BMPR1A: variants seen among roughly 807,000 people sequenced by gnomAD.
BMPR1A encodes the protein bone morphogenetic protein receptor type-1A.
In BMPR1A, 7 loss-of-function variants were observed where a neutral mutation model predicts 66.0. That is an observed-to-expected ratio of 0.11 (90% CI 0.06 to 0.20). The LOEUF (loss-of-function observed/expected upper bound fraction) is 0.20. Ranked by LOEUF, BMPR1A falls within the 10% of genes least tolerant of loss-of-function variation. The probability of loss-of-function intolerance (pLI) is 1.00; values close to 1 mark genes in which losing one functional copy is unlikely to be tolerated. For missense variants in BMPR1A, 408 were observed against 669.1 expected (o/e 0.61, Z 4.31); for synonymous variants, 200 against 229.7 (o/e 0.87, Z 1.17).
chr10:86,778,927 C>CTT lies in BMPR1A; in HGVS notation c.-268+22026_-268+22027dup, dbSNP rs34496927. ...TGAGTGGATTTTATTTATGTATTTTCTTTTTTTTTTTTTTTTTTTAAGTAG... is the reference window on the plus strand; with the variant it reads ...TGAGTGGATTTTATTTATGTATTTTCTTTTTTTTTTTTTTTTTTTTTAAGTAG... On this transcript the variant is annotated intron_variant, in intron 1 of 12. Coordinates refer to ENST00000372037, the MANE Select transcript of BMPR1A (RefSeq NM_004329.3). Among the ~76,000 whole-genome samples the CTT allele has an allele frequency of 3.2e-3, 378 of 118,470 alleles. 1 individual carries two copies. The highest frequency in any genetic ancestry group is 0.011 in the African/African-American group (341 of 32,102). 77.7% of individuals were successfully genotyped at this position (118,470 alleles called of 152,430 possible).
intron 1 of BMPR1A, among the ~76,000 whole-genome samples, chr10:86,765,168 T>C (rs1037768626): frequency 5.9e-5 from 9 of 152,098 alleles, no homozygotes; most frequent in African/African-American, 1.7e-4. Context: ...CCTGGTTCTT[T>C]GCCCATCAGA....
At chr10:86,896,801 T>C (rs912607454) in intron 5 of BMPR1A, among the ~76,000 whole-genome samples, 1 of 152,226 alleles carries the variant, frequency 6.6e-6, no homozygotes, top group Non-Finnish European at 1.5e-5. Flanking sequence ...TTTTTAAGTG[T>C]CACCTGAAAA....
intron 1 of BMPR1A, among the ~76,000 whole-genome samples, chr10:86,823,986 C>T (rs1842156654): frequency 6.6e-6 from 1 of 151,594 alleles, no homozygotes. Context: ...TATGTCTTGG[C>T]TCCTCATGTT....
At position 86,924,723 on chromosome 10, in the gene BMPR1A, T is replaced by C. The variant is rs1378161955; in HGVS notation, c.*1004T>C. ...AGTTATTTATATTTTGTGTATAATG[T>C]GCTTTATTTGCAAATCACCCACTCC... On this transcript the variant is annotated 3_prime_UTR_variant, in exon 13 of 13. Coordinates refer to ENST00000372037, the MANE Select transcript of BMPR1A (RefSeq NM_004329.3). 2 of 232,904 alleles carry C rather than the reference T, an allele frequency of 8.6e-6. No homozygotes were observed. The highest frequency in any genetic ancestry group is 4.4e-5 in the African/African-American group (2 of 45,354). 14.4% of individuals were successfully genotyped at this position (232,904 alleles called of 1,614,324 possible).
At position 86,919,469 on chromosome 10, in the gene BMPR1A, G is replaced by T. The variant is rs879254049; in HGVS notation, c.1166G>T (p.Ser389Ile). Residue 389 changes from serine to isoleucine, a missense_variant and splice_region_variant, in exon 10 of 13, where the codon AGT (serine) becomes ATT (isoleucine). Transcript: ENST00000372037. ...CTGGGCCTTGCTGTTAAATTCAACA[G>T]GTGAGTGGTTCTTTGCCCCACTGTT... ...ADLGLAVKFNSDTNEVDVPLN... is the reference protein window; with the variant it reads ...ADLGLAVKFNIDTNEVDVPLN... 7 of 1,613,412 alleles carry T rather than the reference G, an allele frequency of 4.3e-6. No individual in the cohort carries two copies. Among genetic ancestry groups the T allele is most frequent in the Non-Finnish European group, 5.9e-6 (7 of 1,179,822 alleles).
chr10:86,903,681 C>G (rs563245997), intron 7 of BMPR1A, among the ~76,000 whole-genome samples: 2 of 147,192 alleles, frequency 1.4e-5, no homozygotes, highest in Non-Finnish European at 3.0e-5. Context: ...GCACGATCTC[C>G]GCTCAATGCA....
Position 86,924,085 on chromosome 10 carries a change from A to G in BMPR1A, c.*366A>G. Reference sequence around the variant, plus strand: ...TTCTGTGAAAGCCTTAAGAAGATAAATGAGCGCAGCAGAGATGGAGAAATA... The same window carrying G: ...TTCTGTGAAAGCCTTAAGAAGATAAGTGAGCGCAGCAGAGATGGAGAAATA... On this transcript the variant is annotated 3_prime_UTR_variant, in exon 13 of 13. Coordinates refer to ENST00000372037, the MANE Select transcript of BMPR1A (RefSeq NM_004329.3). The G allele has an allele frequency of 2.5e-6, 1 of 399,612 alleles. No individual in the cohort carries two copies. Among genetic ancestry groups the G allele is most frequent in the Non-Finnish European group, 4.7e-6 (1 of 214,822 alleles). 24.8% of individuals were successfully genotyped at this position (399,612 alleles called of 1,614,324 possible).
At chr10:86,771,238 CAAA>C (rs1296133912) in intron 1 of BMPR1A, among the ~76,000 whole-genome samples, 4 of 152,086 alleles carry the variant, frequency 2.6e-5, no homozygotes, top group African/African-American at 9.7e-5. Context: ...AAAAAGCACT[CAAA>C]AAGAAACACT....
chr10:86,826,151 T>C (rs1176116571), intron 1 of BMPR1A, among the ~76,000 whole-genome samples: 1 of 152,144 alleles, frequency 6.6e-6, no homozygotes. Flanking sequence ...CATCTTGACA[T>C]TTAACTTCTA....
intron 1 of BMPR1A, among the ~76,000 whole-genome samples, chr10:86,792,143 CT>C (rs1436896392): frequency 7.1e-6 from 1 of 141,614 alleles, no homozygotes; most frequent in Non-Finnish European, 1.5e-5. Flanking sequence ...TCTCTGCTCA[CT>C]GCAACCTCCA....
chr10:86,832,479 A>AG (rs1412311997), intron 1 of BMPR1A, among the ~76,000 whole-genome samples: 2 of 152,086 alleles, frequency 1.3e-5, no homozygotes, highest in East Asian at 1.9e-4. Flanking sequence ...AAAAAAAAAA[A>AG]AAAGAAATCA....
chr10:86,889,870 C>A (rs1843122371), intron 3 of BMPR1A, 192 bp from the exon 4 acceptor site: 1 of 648,114 alleles, frequency 1.5e-6, no homozygotes, highest in Admixed American at 2.8e-5. Context: ...CCCCGCAATA[C>A]CTGGTGCAGT....
chr10:86,899,446 C>T (rs573276316), intron 5 of BMPR1A, among the ~76,000 whole-genome samples: 3 of 152,336 alleles, frequency 2.0e-5, no homozygotes, highest in South Asian at 2.1e-4. Flanking sequence ...CTTTGGACTA[C>T]GACACCCTCC....
At chr10:86,886,984 C>T (rs2133379289) in intron 3 of BMPR1A, among the ~76,000 whole-genome samples, 1 of 152,116 alleles carries the variant, frequency 6.6e-6, no homozygotes, top group Admixed American at 6.5e-5. Context: ...CGCCTTGCCA[C>T]CACGCCCAGC....
intron 1 of BMPR1A, among the ~76,000 whole-genome samples, chr10:86,762,709 A>G (rs1163775054): frequency 6.6e-6 from 1 of 152,054 alleles, no homozygotes; most frequent in African/African-American, 2.4e-5. Flanking sequence ...TAGACATTAA[A>G]TAATTATCTA....
At chr10:86,791,993 A>G (rs941726629) in intron 1 of BMPR1A, among the ~76,000 whole-genome samples, 3 of 146,528 alleles carry the variant, frequency 2.0e-5, no homozygotes, top group African/African-American at 5.0e-5. Context: ...TGCTGGGATT[A>G]TAGGCGTGAG....
At chr10:86,905,759 A>T (rs1407477671) in intron 7 of BMPR1A, among the ~76,000 whole-genome samples, 1 of 151,854 alleles carries the variant, frequency 6.6e-6, no homozygotes, top group Admixed American at 6.6e-5. Flanking sequence ...CTGGTCCTAG[A>T]GTAGTTAAAT....
intron 1 of BMPR1A, among the ~76,000 whole-genome samples, chr10:86,763,855 A>C (rs969516629): frequency 1.1e-4 from 16 of 141,466 alleles, no homozygotes; most frequent in Non-Finnish European, 1.9e-4. Flanking sequence ...GCAGTGGCGC[A>C]TGTTGGCTCA....
chr10:86,779,840 G>A (rs115985691), intron 1 of BMPR1A, among the ~76,000 whole-genome samples: 2 of 152,140 alleles, frequency 1.3e-5, no homozygotes, highest in Non-Finnish European at 2.9e-5. Context: ...GGCCTTCAGC[G>A]ATCTTTCAGC....
Sources: allele counts gnomAD v4.1 joint callset (sites outside exome capture counted in the v4.1 genomes callset), GRCh38; gene constraint gnomAD v4.1.1; transcripts MANE v1.5; gene names NCBI Gene and HGNC (gene_info 2026-07-23, HGNC 2026-07-21).